The following PCDHGB6 variants were observed in gnomAD, a reference collection of about 807,000 sequenced individuals.
PCDHGB6 encodes protocadherin gamma subfamily B, 6, also known as protocadherin gamma-B6.
Under a neutral mutation model 59.1 loss-of-function variants are expected in PCDHGB6, and 51 were observed. The ratio of observed to expected loss-of-function variants is 0.86; its 90% CI spans 0.69 to 1.09. The LOEUF (loss-of-function observed/expected upper bound fraction) is 1.09. PCDHGB6 is among the 50% of genes least tolerant of loss of function. PCDHGB6 has a pLI of 0.00. For missense variants in PCDHGB6, 1,148 were observed against 1,205.1 expected, an observed-to-expected ratio of 0.95 and a Z score of 0.70; for synonymous variants, 466 against 495.1, an observed-to-expected ratio of 0.94 and a Z score of 0.78.
Position 141,477,020 on chromosome 5 carries a change from G to C in PCDHGB6, c.2419-17787G>C, listed in dbSNP as rs1383192345. The C allele has an allele frequency of 6.2e-7, 1 of 1,614,224 alleles. No homozygotes were observed. The highest frequency in any genetic ancestry group is 8.5e-7 in the Non-Finnish European group (1 of 1,180,048). On this transcript the variant is annotated intron_variant, in intron 1 of 3. Coordinates refer to ENST00000520790, the MANE Select transcript of PCDHGB6 (RefSeq NM_018926.3). The surrounding 1 kb of genome is among the most constrained non-coding windows in gnomAD (Gnocchi z 4.9). ...ACTATTCGCCTTAGACCTTGTAACC[G>C]GGATGCTGACAATCAAGGGTCGGCT...
chr5:141,495,034 A>C (rs986393420), intron 2 of PCDHGB6, 169 bp downstream of exon 2: 1 of 962,702 alleles, frequency 1.0e-6, no homozygotes, highest in Non-Finnish European at 1.2e-6. Context: ...CCCCGGAAGG[A>C]AGAGGCGACT....
chr5:141,500,188 A>T (rs182086759), intron 2 of PCDHGB6, among the ~76,000 whole-genome samples: 173 of 98,190 alleles, frequency 1.8e-3, no homozygotes, highest in African/African-American at 4.0e-3. Flanking sequence ...TTTTATTTTT[A>T]TTTATTTATT....
intron 2 of PCDHGB6, 143 bp from the exon 3 acceptor site, chr5:141,505,250 T>C: frequency 2.8e-6 from 4 of 1,439,476 alleles, no homozygotes; most frequent in Non-Finnish European, 9.3e-7. Flanking sequence ...ATTGTAGAAG[T>C]GCCTCCTACC....
At chr5:141,444,813 T>A (rs1382814369) in intron 1 of PCDHGB6, among the ~76,000 whole-genome samples, 3 of 152,228 alleles carry the variant, frequency 2.0e-5, no homozygotes, top group African/African-American at 4.8e-5. Flanking sequence ...AATAGCACAC[T>A]GTCTCAATTA....
chr5:141,417,871 C>T (rs1317007566), intron 1 of PCDHGB6: 1 of 1,554,006 alleles, frequency 6.4e-7, no homozygotes, highest in African/African-American at 1.4e-5. Context: ...TGGGAGGGAG[C>T]TGCGCGCAGA....
At chr5:141,417,602 C>G in intron 1 of PCDHGB6, 1 of 510,170 alleles carries the variant, frequency 2.0e-6, no homozygotes, top group Middle Eastern at 5.2e-4. Context: ...TGGGCGCCGC[C>G]GTCGGCCAGT....
chr5:141,509,115 G>C (rs1480955058), intron 3 of PCDHGB6, among the ~76,000 whole-genome samples: 1 of 152,186 alleles, frequency 6.6e-6, no homozygotes, highest in Non-Finnish European at 1.5e-5. Flanking sequence ...GAGCGCTGGT[G>C]CGTGAAGAGA....
chr5:141,412,000 C>G (rs936679371), intron 1 of PCDHGB6: 4 of 151,788 alleles, frequency 2.6e-5, no homozygotes, highest in East Asian at 1.9e-4. Flanking sequence ...GGCATAGTGA[C>G]ATAAACACTT....
At chr5:141,433,560 G>A (rs1276743163) in intron 1 of PCDHGB6, among the ~76,000 whole-genome samples, 1 of 152,110 alleles carries the variant, frequency 6.6e-6, no homozygotes, top group East Asian at 1.9e-4. Flanking sequence ...TTCTGGCTGG[G>A]CGCGGTGGCT....
Position 141,431,423 on chromosome 5 carries a change from C to A in PCDHGB6, c.2418+20803C>A, listed in dbSNP as rs868299769. 20 of 1,613,552 alleles carry A rather than the reference C, an allele frequency of 1.2e-5. No individual in the cohort carries two copies. In the Admixed American group the frequency reaches 2.2e-4, roughly 17 times the overall value. ...GGCCTCCGACGGGGGCGACCCGGTG[C>A]GCACAGGCACCGCGCGCATCCGCGT... On this transcript the variant is annotated intron_variant, in intron 1 of 3. Coordinates refer to ENST00000520790, the MANE Select transcript of PCDHGB6 (RefSeq NM_018926.3). The surrounding 1 kb of genome is among the most constrained non-coding windows in gnomAD (Gnocchi z 4.8).
intron 1 of PCDHGB6, chr5:141,416,916 T>A (rs751743318): frequency 5.5e-4 from 83 of 152,132 alleles, no homozygotes; most frequent in Non-Finnish European, 8.5e-4. Flanking sequence ...CTCTTTAGGG[T>A]CATAGTTATT....
chr5:141,427,937 C>T, intron 1 of PCDHGB6: 1 of 1,584,566 alleles, frequency 6.3e-7, no homozygotes, highest in African/African-American at 1.3e-5. Flanking sequence ...TGTTGGTGGG[C>T]GACCTCAATG....
At chr5:141,446,288 G>C (rs1437669688) in intron 1 of PCDHGB6, among the ~76,000 whole-genome samples, 1 of 152,100 alleles carries the variant, frequency 6.6e-6, no homozygotes, top group Non-Finnish European at 1.5e-5. Flanking sequence ...GGATAAATGG[G>C]GAGCAGGGAT....
chr5:141,500,444 C>T (rs1032064705), intron 2 of PCDHGB6, among the ~76,000 whole-genome samples: 3 of 151,370 alleles, frequency 2.0e-5, no homozygotes, highest in African/African-American at 4.9e-5. Context: ...CTCCTGACCT[C>T]GTGATCCGCC....
chr5:141,415,740 G>GTTTTTTTTT (rs57426385), intron 1 of PCDHGB6: 68 of 625,028 alleles, frequency 1.1e-4, no homozygotes, highest in African/African-American at 1.3e-4. Context: ...GTTTATTAAG[G>GTTTTTTTTT]TTTTTTTTTT....
chr5:141,442,798 A>G (rs1055527090), intron 1 of PCDHGB6, among the ~76,000 whole-genome samples: 1 of 152,256 alleles, frequency 6.6e-6, no homozygotes, highest in East Asian at 1.9e-4. Flanking sequence ...TTTTACTTTG[A>G]TATTCAAATT....
chr5:141,449,876 C>G (rs924666805), intron 1 of PCDHGB6, among the ~76,000 whole-genome samples: 2 of 151,724 alleles, frequency 1.3e-5, no homozygotes, highest in Non-Finnish European at 2.9e-5. Flanking sequence ...AATTTAACAT[C>G]AATGCAATAT....
intron 1 of PCDHGB6, chr5:141,424,513 T>C (rs1339689551): frequency 6.6e-6 from 1 of 152,224 alleles, no homozygotes; most frequent in Non-Finnish European, 1.5e-5. Context: ...GGTTTTTTAA[T>C]GTAGTAAATC....
intron 1 of PCDHGB6, among the ~76,000 whole-genome samples, chr5:141,462,069 C>T (rs555164288): frequency 4.3e-4 from 65 of 151,850 alleles, no homozygotes; most frequent in Non-Finnish European, 7.5e-4. Context: ...GTGATCTGCC[C>T]GCCTTGGCCT....
Sources: allele counts gnomAD v4.1 joint callset (sites outside exome capture counted in the v4.1 genomes callset), GRCh38; gene constraint gnomAD v4.1.1; non-coding constraint Gnocchi (gnomAD v3.1); transcripts MANE v1.5; gene names NCBI Gene and HGNC (gene_info 2026-07-23, HGNC 2026-07-21).